The following UNC13B variants were observed in gnomAD, a reference collection of about 807,000 sequenced individuals.
UNC13B encodes the protein protein unc-13 homolog B.
Under a neutral mutation model 211.0 loss-of-function variants are expected in UNC13B, and 144 were observed. That is an observed-to-expected ratio of 0.68 (90% CI 0.60 to 0.78). The LOEUF (loss-of-function observed/expected upper bound fraction) is 0.78. UNC13B is among the 30% of genes least tolerant of loss of function. UNC13B has a pLI of 0.00. For synonymous variants in UNC13B, 709 were observed against 725.8 expected, an observed-to-expected ratio of 0.98 and a Z score of 0.37; for missense variants, 1,777 against 2,002.0, an observed-to-expected ratio of 0.89 and a Z score of 2.14.
intron 6 of UNC13B, among the ~76,000 whole-genome samples, chr9:35,255,654 C>T (rs1409578607): frequency 1.3e-5 from 2 of 151,906 alleles, no homozygotes; most frequent in African/African-American, 4.8e-5. Flanking sequence ...GATGGCAGAA[C>T]TGGTTGGGCC....
intron 1 of UNC13B, among the ~76,000 whole-genome samples, chr9:35,201,913 TC>T (rs1823322181): frequency 3.3e-5 from 5 of 152,332 alleles, no homozygotes; most frequent in African/African-American, 1.2e-4. Context: ...CTTCTCTAGT[TC>T]TTTTCATTGT....
chr9:35,186,092 T>C (rs1822345968), intron 1 of UNC13B, among the ~76,000 whole-genome samples: 1 of 152,114 alleles, frequency 6.6e-6, no homozygotes, highest in Admixed American at 6.6e-5. Flanking sequence ...GTGTTCCCTT[T>C]GGAGTTTAGA....
intron 7 of UNC13B, among the ~76,000 whole-genome samples, chr9:35,265,197 C>A (rs1333512367): frequency 6.6e-6 from 1 of 152,134 alleles, no homozygotes; most frequent in Non-Finnish European, 1.5e-5. Context: ...TATGTTGAAG[C>A]CCTAGTCCCC....
intron 4 of UNC13B, among the ~76,000 whole-genome samples, chr9:35,237,355 A>T (rs1218857650): frequency 6.6e-6 from 1 of 152,182 alleles, no homozygotes; most frequent in East Asian, 1.9e-4. Flanking sequence ...TTTAGCCAGC[A>T]ATGTTAGTAG....
Position 35,404,257 on chromosome 9 carries a change from G to T in UNC13B, c.*224G>T. ...GTGGTACTAGGGGCTGGGATGTGGG[G>T]TTACCACATGGAGAGATTTTCCATT... is the stretch of plus-strand genomic sequence containing the variant. On this transcript the variant is annotated 3_prime_UTR_variant, in exon 40 of 40. Transcript: ENST00000635942. 1.7e-6 allele frequency: 1 copy of T among 592,608 alleles called. No homozygotes were observed. Among genetic ancestry groups the T allele is most frequent in the Non-Finnish European group, 2.9e-6 (1 of 340,646 alleles). The allele number at this position is 592,608 out of a possible 1,614,324, so 36.7% of individuals were successfully genotyped here. A position where few individuals can be genotyped will look rare whatever the true frequency, so the allele number is the denominator to read the frequency against.
At chr9:35,184,078 C>T (rs1209817137) in intron 1 of UNC13B, among the ~76,000 whole-genome samples, 6 of 149,730 alleles carry the variant, frequency 4.0e-5, no homozygotes, top group African/African-American at 5.0e-5. Flanking sequence ...AGACGATGGG[C>T]GGCCGAGCAG....
At chr9:35,208,270 G>T in intron 1 of UNC13B, among the ~76,000 whole-genome samples, 1 of 152,052 alleles carries the variant, frequency 6.6e-6, no homozygotes, top group East Asian at 1.9e-4. Flanking sequence ...TTTTAATAAG[G>T]CACCCATCTA....
chr9:35,257,580 CAAAAAAAAAAAAAAAAAAA>C (rs1160474466), intron 6 of UNC13B, among the ~76,000 whole-genome samples: 8 of 36,390 alleles, frequency 2.2e-4, no homozygotes, highest in African/African-American at 1.3e-3. Flanking sequence ...GAATCTGTAT[CAAAAAAAAAAAAAAAAAAA>C]AAAAAAAAAA....
rs1029920328 is a variant in UNC13B at position 35,382,614 on chromosome 9, G to A, written c.10806+107G>A. 4.4e-6 allele frequency: 6 copies of A among 1,353,378 alleles called. No individual in the cohort carries two copies. In the African/African-American group the frequency reaches 8.9e-5, roughly 20 times the overall value. 83.8% of individuals were successfully genotyped at this position (1,353,378 alleles called of 1,614,324 possible). The stretch of plus-strand genomic sequence containing the variant: ...GTCTCGCTCTGTTGCCCAGGCTGGA[G>A]TACAGTGGCGTGGTCTCGGCTCACT... On this transcript the variant is annotated intron_variant, in intron 21 of 39. Transcript: ENST00000635942.
chr9:35,216,489 G>A (rs1289786630), intron 1 of UNC13B, among the ~76,000 whole-genome samples: 2 of 152,102 alleles, frequency 1.3e-5, no homozygotes, highest in African/African-American at 4.8e-5. Context: ...AGTCAGAAAT[G>A]GCAATGGGAA....
At position 35,403,952 on chromosome 9, in the gene UNC13B, A is replaced by T; in HGVS notation, c.12942A>T (p.Leu4314Phe). 1 of 1,614,158 alleles carries T rather than the reference A, an allele frequency of 6.2e-7. No individual in the cohort carries two copies. The highest frequency in any genetic ancestry group is 8.5e-7 in the Non-Finnish European group (1 of 1,180,020). Reference protein sequence around the residue: ...DETGLTILRILSQRSNDEVAR... With the variant: ...DETGLTILRIFSQRSNDEVAR... ...CAGGCCTGACCATTCTCCGGATTTT[A>T]TCTCAGAGGAGCAATGACGAGGTGG... Residue 4314 changes from leucine to phenylalanine, a missense_variant, in exon 40 of 40, where the codon TTA becomes TTT. Physicochemically the swap from Leu to Phe is conservative, Grantham distance 22 (BLOSUM62 0). Transcript: ENST00000635942.
chr9:35,170,264 C>G (rs909067913), intron 1 of UNC13B, among the ~76,000 whole-genome samples: 1 of 151,928 alleles, frequency 6.6e-6, no homozygotes, highest in African/African-American at 2.4e-5. Flanking sequence ...CTCCCAGGTT[C>G]AAGCGATTCT....
In UNC13B at chr9:35,239,695, G is replaced by GT. The variant is rs542286900; in HGVS notation, c.394+1870dup. Among the ~76,000 whole-genome samples the GT allele has an allele frequency of 7.6e-4, 115 of 152,178 alleles. 1 individual carries two copies. In the South Asian group the frequency reaches 0.019, roughly 25 times the overall value. On this transcript the variant is annotated intron_variant, in intron 5 of 39. Transcript: ENST00000635942. ...TTATCTACAACCGTAAAAGACAGAC[G>GT]TCCCCAAAGCAGCCATTTCAGAGGC...
intron 6 of UNC13B, 127 bp downstream of exon 6, chr9:35,243,491 A>T (rs1825920696): frequency 1.1e-6 from 1 of 936,072 alleles, no homozygotes; most frequent in Non-Finnish European, 1.6e-6. Context: ...TGCATTGAAG[A>T]AAAAAGGCAG....
At chr9:35,345,768 A>G (rs1324601105) in intron 11 of UNC13B, among the ~76,000 whole-genome samples, 1 of 152,236 alleles carries the variant, frequency 6.6e-6, no homozygotes, top group Non-Finnish European at 1.5e-5. Flanking sequence ...GGCAGGGCAC[A>G]GAATAGCCTG....
chr9:35,353,759 C>T (rs1375657487), intron 11 of UNC13B: 1 of 1,231,916 alleles, frequency 8.1e-7, no homozygotes, highest in Non-Finnish European at 1.0e-6. Flanking sequence ...AAAACTTCTG[C>T]ATGAGCTAGT....
chr9:35,268,856 C>T (rs1827720912), intron 7 of UNC13B, among the ~76,000 whole-genome samples: 5 of 152,118 alleles, frequency 3.3e-5, no homozygotes, highest in Admixed American at 3.3e-4. Context: ...AATAAACTTC[C>T]ATGCATTAGT....
chr9:35,357,113 G>T (rs916708030), intron 11 of UNC13B, among the ~76,000 whole-genome samples: 10 of 152,172 alleles, frequency 6.6e-5, no homozygotes, highest in Non-Finnish European at 1.0e-4. Context: ...AAGTAAAATT[G>T]CTGGGTCATA....
chr9:35,241,096 ATGGTGAATTATTG>A (rs1311682251), intron 5 of UNC13B, among the ~76,000 whole-genome samples: 1 of 151,028 alleles, frequency 6.6e-6, no homozygotes, highest in Non-Finnish European at 1.5e-5. Flanking sequence ...AGTAACATTT[ATGGTGAATTATTG>A]TGTGTTGGTG....
Sources: allele counts gnomAD v4.1 joint callset (sites outside exome capture counted in the v4.1 genomes callset), GRCh38; gene constraint gnomAD v4.1.1; transcripts MANE v1.5; gene names NCBI Gene and HGNC (gene_info 2026-07-23, HGNC 2026-07-21).